Variants in LRRK1 observed in about 807,000 individuals in gnomAD.
The protein encoded by LRRK1 is leucine-rich repeat serine/threonine-protein kinase 1.
LRRK1 carries 113 observed loss-of-function variants against 209.1 expected under a neutral mutation model. That is an observed-to-expected ratio of 0.54 (90% CI 0.46 to 0.63). LRRK1 has a LOEUF of 0.63. Ranked by LOEUF, LRRK1 falls within the 30% of genes least tolerant of loss-of-function variation. The pLI, the probability that LRRK1 is intolerant of heterozygous loss-of-function variation, is 0.00. For synonymous variants in LRRK1, 1,144 were observed against 1,099.7 expected, an observed-to-expected ratio of 1.04 and a Z score of -0.80; for missense variants, 2,284 against 2,632.2, an observed-to-expected ratio of 0.87 and a Z score of 2.89.
chr15:101,074,173 T>TCTTC lies in LRRK1; in HGVS notation c.*5328_*5329insCCTT, dbSNP rs1340843037. Reference sequence around the variant, plus strand: ...CCCAAGCATCGCTGAGTCTTTCTAATCTTTTCTATAGACCCATCTGACCTC... The same window carrying TCTTC: ...CCCAAGCATCGCTGAGTCTTTCTAATCTTCCTTTTCTATAGACCCATCTGACCTC... On this transcript the variant is annotated 3_prime_UTR_variant, in exon 34 of 34. Transcript: ENST00000388948. The TCTTC allele has an allele frequency of 8.5e-5, 13 of 152,252 alleles. No individual in the cohort carries two copies. The highest frequency in any genetic ancestry group is 1.9e-4 in the East Asian group (1 of 5,178). 9.4% of individuals were successfully genotyped at this position (152,252 alleles called of 1,614,324 possible).
chr15:101,018,927 T>C (rs1285410734), intron 12 of LRRK1, among the ~76,000 whole-genome samples: 2 of 152,220 alleles, frequency 1.3e-5, no homozygotes, highest in Admixed American at 6.5e-5. Flanking sequence ...GACAGCTTGT[T>C]TGCAGTAGGA....
intron 6 of LRRK1, among the ~76,000 whole-genome samples, chr15:101,008,579 C>G (rs2033088337): frequency 6.6e-6 from 1 of 152,210 alleles, no homozygotes; most frequent in African/African-American, 2.4e-5. Flanking sequence ...CCGGCGCCCT[C>G]TGGAGGTTGG....
intron 2 of LRRK1, among the ~76,000 whole-genome samples, chr15:100,964,592 G>A (rs2030329646): frequency 6.6e-6 from 1 of 152,178 alleles, no homozygotes; most frequent in Non-Finnish European, 1.5e-5. Context: ...AATGAGCTGT[G>A]GGCTGGTAGA....
chr15:100,988,696 C>G lies in LRRK1; in HGVS notation c.496C>G (p.Leu166Val). The change falls in exon 5 of 34, where the codon CTG (leucine) becomes GTG (valine). Residue 166 changes from leucine (L) to valine (V), a missense_variant. By Grantham distance (32) the Leu-to-Val change is conservative. Coordinates refer to ENST00000388948, the MANE Select transcript of LRRK1 (RefSeq NM_024652.6). ...GGCCTTGGCTTGCCAGCGAGGGCAC[C>G]TGGGGGTTGTGAAGCTCCTGGTCCT... is the stretch of plus-strand genomic sequence containing the variant. ...MLALACQRGH[L>V]GVVKLLVLTH... The G allele has an allele frequency of 1.2e-6, 2 of 1,614,210 alleles. No homozygotes were observed. The highest frequency in any genetic ancestry group is 1.7e-6 in the Non-Finnish European group (2 of 1,180,042).
intron 20 of LRRK1, among the ~76,000 whole-genome samples, chr15:101,034,677 T>C (rs1326275901): frequency 6.6e-6 from 1 of 152,184 alleles, no homozygotes; most frequent in Non-Finnish European, 1.5e-5. Flanking sequence ...TATTTTGAAG[T>C]CAGATAGTGT....
chr15:100,936,250 G>A (rs189492927), intron 2 of LRRK1, among the ~76,000 whole-genome samples: 37 of 152,326 alleles, frequency 2.4e-4, no homozygotes, highest in Admixed American at 1.9e-3. Context: ...CAGCCAGAAC[G>A]CCTTTGGATC....
At chr15:101,001,186 A>G (rs1327065446) in intron 6 of LRRK1, among the ~76,000 whole-genome samples, 1 of 152,066 alleles carries the variant, frequency 6.6e-6, no homozygotes, top group Non-Finnish European at 1.5e-5. Flanking sequence ...TGGTGTTTCC[A>G]GTTCTCTGTC....
chr15:100,979,904 C>G (rs2031505492), intron 3 of LRRK1, among the ~76,000 whole-genome samples: 5 of 152,118 alleles, frequency 3.3e-5, no homozygotes, highest in Middle Eastern at 6.8e-3. Context: ...TTATGAACAG[C>G]AAAAATAAAA....
At chr15:101,060,134 C>A (rs1412514201) in intron 29 of LRRK1, among the ~76,000 whole-genome samples, 1 of 152,106 alleles carries the variant, frequency 6.6e-6, no homozygotes, top group Non-Finnish European at 1.5e-5. Flanking sequence ...GAGGAGGGGG[C>A]TGGCTGGGAG....
chr15:101,027,493 G>T lies in LRRK1; in HGVS notation c.2526+112G>T, dbSNP rs942103563. The T allele has an allele frequency of 4.6e-6, 7 of 1,519,664 alleles. No individual in the cohort carries two copies. The highest frequency in any genetic ancestry group is 2.7e-5 in the African/African-American group (2 of 72,746). The allele number at this position is 1,519,664 out of a possible 1,614,324, so 94.1% of individuals were successfully genotyped here. ...CATGTCTGTGTGGCAAGGCTCGGTG[G>T]TTCCTGGTGAGGGAGGGTCAGGATG... On this transcript the variant is annotated intron_variant, in intron 18 of 33. Coordinates refer to ENST00000388948, the MANE Select transcript of LRRK1 (RefSeq NM_024652.6). The surrounding 1 kb of genome is among the most constrained non-coding windows in gnomAD (Gnocchi z 5.1).
chr15:101,048,093 G>GAGATAGAT (rs556505862), intron 21 of LRRK1, among the ~76,000 whole-genome samples: 1 of 133,944 alleles, frequency 7.5e-6, no homozygotes, highest in African/African-American at 2.5e-5. Flanking sequence ...CAAACATATG[G>GAGATAGAT]AGATAGAAAA....
At chr15:101,019,001 A>G (rs1035506581) in intron 12 of LRRK1, among the ~76,000 whole-genome samples, 9 of 152,188 alleles carry the variant, frequency 5.9e-5, no homozygotes, top group Non-Finnish European at 1.3e-4. Flanking sequence ...GGCCTCATCC[A>G]AAAATAATTT....
At chr15:101,054,140 TTTG>T (rs532826598) in intron 26 of LRRK1, among the ~76,000 whole-genome samples, 4 of 152,058 alleles carry the variant, frequency 2.6e-5, no homozygotes, top group African/African-American at 4.8e-5. Flanking sequence ...ACCCAGCTAA[TTTG>T]TTGTTGTTGT....
At chr15:100,944,302 G>C (rs1044440049) in intron 2 of LRRK1, among the ~76,000 whole-genome samples, 2 of 152,178 alleles carry the variant, frequency 1.3e-5, no homozygotes, top group African/African-American at 4.8e-5. Flanking sequence ...CAACCACAGC[G>C]CAGCATTGAT....
rs370760625 is a variant in LRRK1, at chr15:101,074,257, C to T, written c.*5409C>T. 3 of 152,166 alleles carry T rather than the reference C, an allele frequency of 2.0e-5. No homozygotes were observed. The highest frequency in any genetic ancestry group is 7.2e-5 in the African/African-American group (3 of 41,426). 9.4% of individuals were successfully genotyped at this position (152,166 alleles called of 1,614,324 possible). A position where few individuals can be genotyped will look rare whatever the true frequency, so the allele number is the denominator to read the frequency against. On this transcript the variant is annotated 3_prime_UTR_variant, in exon 34 of 34. Coordinates refer to ENST00000388948, the MANE Select transcript of LRRK1 (RefSeq NM_024652.6). The stretch of plus-strand genomic sequence containing the variant: ...GAGCTAGGTCCCAATTCTTCCTCAG[C>T]CTCCGCTCCTCCACCATATAATCTT...
At chr15:101,008,645 G>C (rs2033091858) in intron 6 of LRRK1, among the ~76,000 whole-genome samples, 192 bp from the exon 7 acceptor site, 1 of 152,232 alleles carries the variant, frequency 6.6e-6, no homozygotes, top group South Asian at 2.1e-4. Flanking sequence ...GTGCCGATGG[G>C]AACAGGTAGC....
intron 2 of LRRK1, 101 bp downstream of exon 2, chr15:100,924,830 G>C: frequency 1.3e-6 from 1 of 751,368 alleles, no homozygotes; most frequent in Non-Finnish European, 2.3e-6. Flanking sequence ...TCAACCAGTG[G>C]AAATCAAATG....
intron 1 of LRRK1, among the ~76,000 whole-genome samples, chr15:100,920,469 A>G (rs2042001405): frequency 1.3e-5 from 2 of 152,200 alleles, no homozygotes; most frequent in African/African-American, 4.8e-5. Context: ...AATATAACAA[A>G]CTAACCTCAC....
At position 101,024,735 on chromosome 15, in the gene LRRK1, C is replaced by T. The variant is rs1439352953; in HGVS notation, c.2068-68C>T. On this transcript the variant is annotated intron_variant, in intron 15 of 33. Coordinates refer to ENST00000388948, the MANE Select transcript of LRRK1 (RefSeq NM_024652.6). The surrounding 1 kb of genome is among the most constrained non-coding windows in gnomAD (Gnocchi z 4.6). ...TCCAGCCTCCAGAGTTATCCGTTGT[C>T]TCCGTTTGATTGACTGAAGCCTTTG... The T allele has an allele frequency of 6.6e-7, 1 of 1,525,206 alleles. No homozygotes were observed. The highest frequency in any genetic ancestry group is 9.0e-7 in the Non-Finnish European group (1 of 1,114,342). 94.5% of individuals were successfully genotyped at this position (1,525,206 alleles called of 1,614,324 possible). A position where few individuals can be genotyped will look rare whatever the true frequency, so the allele number is the denominator to read the frequency against.
Sources: allele counts gnomAD v4.1 joint callset (sites outside exome capture counted in the v4.1 genomes callset), GRCh38; gene constraint gnomAD v4.1.1; non-coding constraint Gnocchi (gnomAD v3.1); transcripts MANE v1.5; gene names NCBI Gene and HGNC (gene_info 2026-07-23, HGNC 2026-07-21).